RBFOX3: variants seen among roughly 807,000 people sequenced by gnomAD.
RBFOX3 encodes RNA binding protein fox-1 homolog 3.
Under a neutral mutation model 48.7 loss-of-function variants are expected in RBFOX3, and 17 were observed. That is an observed-to-expected ratio of 0.35 (90% CI 0.24 to 0.52). The LOEUF (loss-of-function observed/expected upper bound fraction) is 0.52. RBFOX3 is among the 20% of genes least tolerant of loss of function. The pLI is 0.94. For synonymous variants in RBFOX3, 212 were observed against 209.5 expected, an observed-to-expected ratio of 1.01 and a Z score of -0.10; for missense variants, 382 against 497.5, an observed-to-expected ratio of 0.77 and a Z score of 2.21.
chr17:79,184,692 A>C (rs1011441726), intron 4 of RBFOX3, among the ~76,000 whole-genome samples: 14 of 152,154 alleles, frequency 9.2e-5, no homozygotes, highest in South Asian at 4.1e-4. Flanking sequence ...GGCACCCAGT[A>C]CCCATTCTGA....
chr17:79,635,059 C>CAAAAAAAA, the RBFOX3 span, among the ~76,000 whole-genome samples: 1 of 53,494 alleles, frequency 1.9e-5, no homozygotes, highest in African/African-American at 5.4e-5. Flanking sequence ...GACTCCATCT[C>CAAAAAAAA]AAAAAAAAAA....
chr17:79,455,786 G>GCACAGCCACA (rs2074369208), intron 2 of RBFOX3, among the ~76,000 whole-genome samples: 1 of 152,040 alleles, frequency 6.6e-6, no homozygotes. Context: ...GCTGTCACAC[G>GCACAGCCACA]CACAGCCACA....
At chr17:79,594,378 C>A (rs2093509852) in intron 1 of RBFOX3, among the ~76,000 whole-genome samples, 1 of 152,168 alleles carries the variant, frequency 6.6e-6, no homozygotes, top group South Asian at 2.1e-4. Flanking sequence ...CCTCTGGAGG[C>A]ACCCAGGCCA....
At chr17:79,578,439 G>A (rs2092933744) in intron 1 of RBFOX3, among the ~76,000 whole-genome samples, 2 of 152,272 alleles carry the variant, frequency 1.3e-5, no homozygotes, top group African/African-American at 2.4e-5. Flanking sequence ...TGGGCACACA[G>A]GTGCCGTTCT....
upstream of RBFOX3, among the ~76,000 whole-genome samples, chr17:79,611,169 T>TCTCGCTCTCGCTCTCGCTCTCG (rs2093963785): frequency 2.0e-3 from 52 of 25,926 alleles, 12 homozygotes; most frequent in Non-Finnish European, 3.9e-3. Flanking sequence ...TCTCTCTCTC[T>TCTCGCTCTCGCTCTCGCTCTCG]CTCTCCGCCC....
chr17:79,212,507 C>T lies in RBFOX3; in HGVS notation c.-34+23259G>A, dbSNP rs1188968266. Among the ~76,000 whole-genome samples, 2 of 152,218 alleles carry T rather than the reference C, an allele frequency of 1.3e-5. No individual in the cohort carries two copies. The highest frequency in any genetic ancestry group is 2.1e-4 in the South Asian group (1 of 4,832). ...GGGTCTCACCCTGGGCCCCCCAGTC[C>T]GCAACTCCTGACTCCTTATTCTGCA... On this transcript the variant is annotated intron_variant, in intron 4 of 14. Coordinates refer to ENST00000693108, the MANE Select transcript of RBFOX3 (RefSeq NM_001350451.2). The surrounding 1 kb of genome is among the most constrained non-coding windows in gnomAD (Gnocchi z 4.7).
intron 2 of RBFOX3, among the ~76,000 whole-genome samples, chr17:79,359,675 G>A (rs12449898): frequency 0.38 from 58,179 of 151,736 alleles, 11,324 homozygotes; most frequent in Middle Eastern, 0.49. Context: ...TGGCTCTGCA[G>A]GGGCCTCTTG....
chr17:79,598,704 T>C (rs1399693048), intron 1 of RBFOX3: 2 of 152,096 alleles, frequency 1.3e-5, no homozygotes, highest in African/African-American at 4.8e-5. Flanking sequence ...CAAGTAACCA[T>C]GGCAACTCCA....
At chr17:79,606,972 G>A (rs937411480) in intron 1 of RBFOX3, among the ~76,000 whole-genome samples, 2 of 152,198 alleles carry the variant, frequency 1.3e-5, no homozygotes, top group African/African-American at 4.8e-5. Flanking sequence ...ATGGCTCAGG[G>A]AGCAACCTTC....
chr17:79,246,343 G>A (rs1175932612), intron 3 of RBFOX3, among the ~76,000 whole-genome samples: 3 of 152,226 alleles, frequency 2.0e-5, no homozygotes, highest in African/African-American at 7.2e-5. Context: ...GCCCCCGACT[G>A]CTCGTGGACT....
intron 2 of RBFOX3, among the ~76,000 whole-genome samples, chr17:79,452,324 G>A (rs2073683445): frequency 6.6e-6 from 1 of 152,200 alleles, no homozygotes; most frequent in South Asian, 2.1e-4. Context: ...CTCCGCTGCG[G>A]AGGAACGCAG....
rs532085048 is a variant in RBFOX3, at chr17:79,392,443, A to G, written c.-174-84619T>C. ...GCAGGGCCCGGCCACTCACAGGTGC[A>G]TGGTAATGTCGGTGGTACAGGTGTC... On this transcript the variant is annotated intron_variant, in intron 2 of 14. Transcript: ENST00000693108. The surrounding 1 kb of genome is among the most constrained non-coding windows in gnomAD (Gnocchi z 5.0). Among the ~76,000 whole-genome samples, 2 of 152,292 alleles carry G rather than the reference A, an allele frequency of 1.3e-5. No homozygotes were observed. The highest frequency in any genetic ancestry group is 4.1e-4 in the South Asian group (2 of 4,822).
At chr17:79,653,302 G>A in the RBFOX3 span, among the ~76,000 whole-genome samples, 1 of 152,220 alleles carries the variant, frequency 6.6e-6, no homozygotes, top group East Asian at 1.9e-4. Context: ...ACAGGTCTGA[G>A]GGCCCCAGGA....
At chr17:79,538,987 T>C (rs35863760) in intron 1 of RBFOX3, among the ~76,000 whole-genome samples, 34,368 of 152,012 alleles carry the variant, frequency 0.23, 4,601 homozygotes, top group East Asian at 0.49. Context: ...CGAAAAATAC[T>C]CCACCTTCCT....
chr17:79,591,458 C>T (rs1191745694), intron 1 of RBFOX3, among the ~76,000 whole-genome samples: 6 of 152,198 alleles, frequency 3.9e-5, no homozygotes, highest in African/African-American at 1.4e-4. Flanking sequence ...CACCAGACTC[C>T]TTGGTACACA....
the RBFOX3 span, among the ~76,000 whole-genome samples, chr17:79,639,169 A>AT: frequency 1.9e-4 from 29 of 151,976 alleles, no homozygotes; most frequent in East Asian, 4.3e-3. Context: ...TTATTTTTTT[A>AT]TTTTTTATTG....
At chr17:79,127,815 C>A (rs2037714635) in intron 4 of RBFOX3, among the ~76,000 whole-genome samples, 1 of 152,126 alleles carries the variant, frequency 6.6e-6, no homozygotes, top group Admixed American at 6.5e-5. Context: ...ACCTGTGACC[C>A]CCGATCCCAG....
chr17:79,595,663 C>T (rs1161042238), intron 1 of RBFOX3, among the ~76,000 whole-genome samples: 1 of 152,136 alleles, frequency 6.6e-6, no homozygotes, highest in Non-Finnish European at 1.5e-5. Context: ...GAGGGGAGGA[C>T]GGACCTGGCA....
At chr17:79,291,156 A>G (rs527463854) in intron 3 of RBFOX3, among the ~76,000 whole-genome samples, 21 of 152,376 alleles carry the variant, frequency 1.4e-4, no homozygotes, top group Admixed American at 5.2e-4. Flanking sequence ...AAATGAGTCA[A>G]AGTTTATAGA....
Sources: gnomAD v4.1 joint callset for allele counts (sites outside exome capture counted in the v4.1 genomes callset) on GRCh38, gnomAD v4.1.1 for gene constraint, Gnocchi (gnomAD v3.1) non-coding constraint, MANE v1.5 for transcripts, NCBI Gene and HGNC (gene_info 2026-07-23, HGNC 2026-07-21) for gene names.